The following SPAG16 variants were observed in gnomAD, a reference collection of about 807,000 sequenced individuals.
SPAG16 encodes sperm associated antigen 16, also known as sperm-associated antigen 16 protein.
In SPAG16, 86 loss-of-function variants were observed where a neutral mutation model predicts 80.4. The ratio of observed to expected loss-of-function variants is 1.07; its 90% CI spans 0.90 to 1.28. SPAG16 has a LOEUF of 1.28. Among genes scored for constraint, SPAG16 ranks in the 50% most tolerant of loss-of-function variants. The pLI is 0.00. For synonymous variants in SPAG16, 294 were observed against 265.9 expected, an observed-to-expected ratio of 1.11 and a Z score of -1.03; for missense variants, 870 against 765.3, an observed-to-expected ratio of 1.14 and a Z score of -1.61.
chr2:213,920,934 G>C (rs1416188061), intron 11 of SPAG16, among the ~76,000 whole-genome samples: 1 of 152,200 alleles, frequency 6.6e-6, no homozygotes, highest in Non-Finnish European at 1.5e-5. Context: ...CATAGTTTAG[G>C]GGTCTCCTCC....
chr2:214,279,547 AC>A (rs377741452), intron 15 of SPAG16, among the ~76,000 whole-genome samples: 249 of 152,334 alleles, frequency 1.6e-3, no homozygotes, highest in African/African-American at 5.7e-3. Flanking sequence ...AAATGAGAGC[AC>A]AGGGACAGCA....
chr2:213,963,564 C>T (rs1290505457), intron 12 of SPAG16, among the ~76,000 whole-genome samples: 1 of 152,096 alleles, frequency 6.6e-6, no homozygotes, highest in Non-Finnish European at 1.5e-5. Flanking sequence ...TAATGTTGCT[C>T]AAGTCTTCTA....
At chr2:214,205,257 A>T (rs919551630) in intron 15 of SPAG16, among the ~76,000 whole-genome samples, 8 of 152,170 alleles carry the variant, frequency 5.3e-5, no homozygotes, top group Non-Finnish European at 1.0e-4. Flanking sequence ...ATATCAAAAA[A>T]ATGATACAAC....
At chr2:213,343,304 A>G (rs371824625) in intron 6 of SPAG16, among the ~76,000 whole-genome samples, 16 of 152,274 alleles carry the variant, frequency 1.1e-4, no homozygotes, top group African/African-American at 2.4e-4. Flanking sequence ...TTGGTCCTAG[A>G]CAAAGTGTTG....
chr2:213,284,541 G>C lies in SPAG16; in HGVS notation c.58G>C (p.Gly20Arg), dbSNP rs769439070. 1.2e-6 allele frequency: 2 copies of C among 1,603,016 alleles called. No individual in the cohort carries two copies. The highest frequency in any genetic ancestry group is 1.7e-6 in the Non-Finnish European group (2 of 1,175,128). ...SAVRVLEEAL[G>R]MGLTAAGDAR... ...CGTGAGGGTCCTGGAAGAGGCGTTGGGCATGGGTTTGACGGCAGCCGGGGA... is the reference window on the plus strand; with the variant it reads ...CGTGAGGGTCCTGGAAGAGGCGTTGCGCATGGGTTTGACGGCAGCCGGGGA... The change falls in exon 1 of 16, where the codon GGC (glycine) becomes CGC (arginine). Residue 20 changes from glycine (G) to arginine (R), a missense_variant. Coordinates refer to ENST00000331683, the MANE Select transcript of SPAG16 (RefSeq NM_024532.5).
intron 12 of SPAG16, among the ~76,000 whole-genome samples, chr2:213,946,393 G>C (rs767295569): frequency 2.0e-5 from 3 of 152,038 alleles, no homozygotes; most frequent in Admixed American, 2.0e-4. Context: ...GATTACAGGC[G>C]TGAGCCACTG....
chr2:214,028,675 A>G (rs185453270), intron 13 of SPAG16, among the ~76,000 whole-genome samples: 5 of 152,188 alleles, frequency 3.3e-5, no homozygotes, highest in Admixed American at 2.6e-4. Context: ...TTTCTGATAT[A>G]TTAACATTGA....
chr2:213,905,851 A>G (rs1402348532), intron 11 of SPAG16, among the ~76,000 whole-genome samples: 1 of 152,312 alleles, frequency 6.6e-6, no homozygotes, highest in Middle Eastern at 3.4e-3. Flanking sequence ...CACTGAAGTC[A>G]TGGGCAAGCC....
intron 15 of SPAG16, among the ~76,000 whole-genome samples, chr2:214,216,571 C>T (rs112404036): frequency 9.2e-5 from 14 of 152,300 alleles, no homozygotes; most frequent in African/African-American, 2.4e-4. Context: ...CTGCCCGCCT[C>T]GGCCTCCCAA....
chr2:213,659,022 G>A (rs1053433703), intron 10 of SPAG16, among the ~76,000 whole-genome samples: 2 of 152,116 alleles, frequency 1.3e-5, no homozygotes, highest in Non-Finnish European at 2.9e-5. Context: ...GCAACAGAGC[G>A]AGACTCTGTC....
chr2:214,175,725 A>G (rs1318713717), intron 15 of SPAG16, among the ~76,000 whole-genome samples: 1 of 151,628 alleles, frequency 6.6e-6, no homozygotes, highest in African/African-American at 2.4e-5. Flanking sequence ...TACATTAAAA[A>G]GCAAGAAAAC....
In SPAG16 at chr2:214,250,749, TATATATATAG is replaced by T. The variant is rs1302598629; in HGVS notation, c.1720+101485_1720+101494del. ...GAGCTTTGAGATATATATATATATA[TATATATATAG>T]AGAGAGAGAGAGAGAGAGAGAGAGA... On this transcript the variant is annotated intron_variant, in intron 15 of 15. Coordinates refer to ENST00000331683, the MANE Select transcript of SPAG16 (RefSeq NM_024532.5). 5.9e-4 allele frequency among the ~76,000 whole-genome samples: 55 copies of T among 92,804 alleles called. 1 individual carries two copies. Among genetic ancestry groups the T allele is most frequent in the African/African-American group, 1.3e-3 (38 of 29,464 alleles). 60.9% of individuals were successfully genotyped at this position (92,804 alleles called of 152,430 possible). A position where few individuals can be genotyped will look rare whatever the true frequency, so the allele number is the denominator to read the frequency against.
rs2066342011 is a variant in SPAG16 at position 213,367,097 on chromosome 2, TC to T, written c.832+2955del. Among the ~76,000 whole-genome samples, 3 of 152,146 alleles carry T rather than the reference TC, an allele frequency of 2.0e-5. No individual in the cohort carries two copies. In the South Asian group the frequency reaches 6.2e-4, roughly 32 times the overall value. On this transcript the variant is annotated intron_variant, in intron 8 of 15. Coordinates refer to ENST00000331683, the MANE Select transcript of SPAG16 (RefSeq NM_024532.5). ...ACGATGGTTTCCAGTTTCATCCATG[TC>T]CCTACAAAGGACATGAACTCATCCT...
In SPAG16 at chr2:214,229,155, GA is replaced by G. The variant is rs199770222; in HGVS notation, c.1720+79900del. ...TCTTGCCATCTACCACGAGAAGCAGGAAAAAAAAAAAGGATAATTTCACTAT... is the reference window on the plus strand; with the variant it reads ...TCTTGCCATCTACCACGAGAAGCAGGAAAAAAAAAAGGATAATTTCACTAT... On this transcript the variant is annotated intron_variant, in intron 15 of 15. Transcript: ENST00000331683. 2.5e-3 allele frequency among the ~76,000 whole-genome samples: 352 copies of G among 142,154 alleles called. 3 individuals are homozygous for G. Among genetic ancestry groups the G allele is most frequent in the East Asian group, 3.9e-3 (19 of 4,912 alleles). 93.3% of individuals were successfully genotyped at this position (142,154 alleles called of 152,430 possible). A position where few individuals can be genotyped will look rare whatever the true frequency, so the allele number is the denominator to read the frequency against.
At chr2:213,553,803 C>G (rs1344075731) in intron 10 of SPAG16, among the ~76,000 whole-genome samples, 1 of 152,192 alleles carries the variant, frequency 6.6e-6, no homozygotes, top group Non-Finnish European at 1.5e-5. Context: ...TAGACACAAG[C>G]TCAGCTACTC....
chr2:214,305,413 T>C (rs1461184402), intron 15 of SPAG16, among the ~76,000 whole-genome samples: 1 of 152,244 alleles, frequency 6.6e-6, no homozygotes, highest in Non-Finnish European at 1.5e-5. Context: ...TTTGTTGCAA[T>C]TGCTTTTGGT....
chr2:213,725,677 C>T (rs2066735869), intron 10 of SPAG16, among the ~76,000 whole-genome samples: 1 of 152,168 alleles, frequency 6.6e-6, no homozygotes, highest in African/African-American at 2.4e-5. Context: ...AGATATTCCA[C>T]CTAGATATGT....
chr2:213,853,896 G>A (rs1027616381), intron 10 of SPAG16, among the ~76,000 whole-genome samples: 7 of 152,040 alleles, frequency 4.6e-5, no homozygotes, highest in Non-Finnish European at 7.4e-5. Flanking sequence ...CTTGAGGAGG[G>A]GTATCCTGCT....
In SPAG16 at chr2:213,488,163, G is replaced by A. The variant is rs572794102; in HGVS notation, c.943-1800G>A. 5.9e-4 allele frequency among the ~76,000 whole-genome samples: 90 copies of A among 152,138 alleles called. 1 individual carries two copies. Among genetic ancestry groups the A allele is most frequent in the African/African-American group, 2.1e-3 (85 of 41,460 alleles). The stretch of plus-strand genomic sequence containing the variant: ...ATATATTAAAAGAACTGAAACTGGT[G>A]CCTGTCATAAAATTGACACTCAATA... On this transcript the variant is annotated intron_variant, in intron 9 of 15. Coordinates refer to ENST00000331683, the MANE Select transcript of SPAG16 (RefSeq NM_024532.5).
Sources: allele counts gnomAD v4.1 joint callset (sites outside exome capture counted in the v4.1 genomes callset), GRCh38; gene constraint gnomAD v4.1.1; transcripts MANE v1.5; gene names NCBI Gene and HGNC (gene_info 2026-07-23, HGNC 2026-07-21).